Variants in SPG11 observed in about 807,000 individuals in gnomAD.
The protein encoded by SPG11 is spatacsin.
Under a neutral mutation model 274.0 loss-of-function variants are expected in SPG11, and 222 were observed. That is an observed-to-expected ratio of 0.81 (90% confidence interval 0.73 to 0.91). SPG11 has a LOEUF of 0.91. Among genes scored for constraint, SPG11 ranks in the 40% least tolerant of loss-of-function variants. The pLI, the probability that SPG11 is intolerant of heterozygous loss-of-function variation, is 0.00. For missense variants in SPG11, 3,114 were observed against 2,872.7 expected (o/e 1.08, Z -1.92); for synonymous variants, 1,144 against 1,039.7 (o/e 1.10, Z -1.93).
intron 30 of SPG11, among the ~76,000 whole-genome samples, chr15:44,579,521 C>A (rs573539858): frequency 1.2e-4 from 15 of 127,950 alleles, no homozygotes; most frequent in South Asian, 2.4e-4. Flanking sequence ...AGTGAGACTC[C>A]GTCTCAAAAA....
In SPG11 at chr15:44,636,925, C is replaced by CAAAAAAAAAAAAAAA. The variant is rs370928375; in HGVS notation, c.1603-3303_1603-3289dup. Among the ~76,000 whole-genome samples, 38 of 19,422 alleles carry CAAAAAAAAAAAAAAA rather than the reference C, an allele frequency of 2.0e-3. 1 individual carries two copies. The highest frequency in any genetic ancestry group is 6.1e-3 in the South Asian group (2 of 328). The allele number at this position is 19,422 out of a possible 152,430, so 12.7% of individuals were successfully genotyped here. On this transcript the variant is annotated intron_variant, in intron 7 of 39. Transcript: ENST00000261866. Reference sequence around the variant, plus strand: ...TGGGCAACAGAGCAAGACTCCATCTCAAAAAAAAAAAAAAAAAAAAAAAAA... The same window carrying CAAAAAAAAAAAAAAA: ...TGGGCAACAGAGCAAGACTCCATCTCAAAAAAAAAAAAAAAAAAAAAAAAAAAAAAAAAAAAAAAA...
At chr15:44,587,488 G>A (rs1004834618) in intron 28 of SPG11, among the ~76,000 whole-genome samples, 2 of 152,032 alleles carry the variant, frequency 1.3e-5, no homozygotes, top group Non-Finnish European at 2.9e-5. Flanking sequence ...TCAGGAGCTT[G>A]GGACTAGCTG....
intron 38 of SPG11, among the ~76,000 whole-genome samples, chr15:44,565,015 G>T (rs1330761949): frequency 6.6e-6 from 1 of 152,182 alleles, no homozygotes; most frequent in Non-Finnish European, 1.5e-5. Flanking sequence ...GGGACTACAG[G>T]TATATGCCAC....
intron 1 of SPG11, among the ~76,000 whole-genome samples, chr15:44,661,571 CTATAG>C (rs1273400541): frequency 6.6e-6 from 1 of 151,670 alleles, no homozygotes; most frequent in Non-Finnish European, 1.5e-5. Flanking sequence ...TTTTATACTA[CTATAG>C]TAGTTTTATA....
intron 7 of SPG11, among the ~76,000 whole-genome samples, chr15:44,638,102 T>C (rs959879740): frequency 2.4e-4 from 37 of 152,300 alleles, no homozygotes; most frequent in African/African-American, 8.7e-4. Context: ...ATAACATGAA[T>C]AGGCTATGAG....
At chr15:44,593,820 C>A (rs150458687) in intron 26 of SPG11, among the ~76,000 whole-genome samples, 1 of 148,474 alleles carries the variant, frequency 6.7e-6, no homozygotes, top group Non-Finnish European at 1.5e-5. Flanking sequence ...GTGGTGTGAT[C>A]TTGGCTCACT....
chr15:44,651,994 A>G, intron 5 of SPG11, 55 bp from the exon 6 acceptor site: 3 of 1,579,714 alleles, frequency 1.9e-6, no homozygotes, highest in Non-Finnish European at 2.6e-6. Flanking sequence ...GGCACTATGT[A>G]AAACACTAAA....
In SPG11 at chr15:44,655,019, C is replaced by T. The variant is rs141674865; in HGVS notation, c.869+2076G>A. On this transcript the variant is annotated intron_variant, in intron 4 of 39. Coordinates refer to ENST00000261866, the MANE Select transcript of SPG11 (RefSeq NM_025137.4). Reference sequence around the variant, plus strand: ...TGCTGTAATAATATCATGGCCACTTCCTGTTGCCATTGCAGTGAGCCCTAG... The same window carrying T: ...TGCTGTAATAATATCATGGCCACTTTCTGTTGCCATTGCAGTGAGCCCTAG... Among the ~76,000 whole-genome samples, 607 of 152,316 alleles carry T rather than the reference C, an allele frequency of 4.0e-3. 2 individuals are homozygous for T. The highest frequency in any genetic ancestry group is 6.3e-3 in the Non-Finnish European group (427 of 68,016).
chr15:44,562,861 T>G lies in SPG11; in HGVS notation c.*260A>C. 1 of 444,308 alleles carries G rather than the reference T, an allele frequency of 2.3e-6. No individual in the cohort carries two copies. Among genetic ancestry groups the G allele is most frequent in the Non-Finnish European group, 4.1e-6 (1 of 244,636 alleles). The allele number at this position is 444,308 out of a possible 1,614,324, so 27.5% of individuals were successfully genotyped here. ...GGATCATCTAAAGTAGAAGCTGTCC[T>G]GAGGAAGAGGAAGCTTTTGATCTTA... On this transcript the variant is annotated 3_prime_UTR_variant, in exon 40 of 40. Transcript: ENST00000261866.
intron 35 of SPG11, among the ~76,000 whole-genome samples, 198 bp downstream of exon 35, chr15:44,569,200 T>C (rs2140920450): frequency 6.6e-6 from 1 of 151,428 alleles, no homozygotes; most frequent in African/African-American, 2.4e-5. Context: ...AAAAAATATA[T>C]GGCATCAGCA....
chr15:44,643,098 A>G (rs2084501819), intron 7 of SPG11, among the ~76,000 whole-genome samples: 1 of 152,220 alleles, frequency 6.6e-6, no homozygotes, highest in Non-Finnish European at 1.5e-5. Flanking sequence ...GCAATGTTGT[A>G]TATACAATGC....
At chr15:44,600,877 G>A (rs1003004861) in intron 20 of SPG11, among the ~76,000 whole-genome samples, 1 of 152,138 alleles carries the variant, frequency 6.6e-6, no homozygotes, top group Non-Finnish European at 1.5e-5. Flanking sequence ...GCTTCAGCCG[G>A]GTACGGTGGC....
Position 44,628,670 on chromosome 15 carries a change from T to C in SPG11, c.2066A>G (p.Glu689Gly), listed in dbSNP as rs748241805. Residue 689 changes from glutamate (E) to glycine (G), a missense_variant and splice_region_variant, in exon 10 of 40, where the codon GAG (glutamate) becomes GGG (glycine). By Grantham distance (98) the Glu-to-Gly change is moderately conservative. Coordinates refer to ENST00000261866, the MANE Select transcript of SPG11 (RefSeq NM_025137.4). ...GAAGTGATGATTATTCGTACTTACC[T>C]CAAAGCTGAGTTTCTTCCATATATT... ...ESNIWKKLSF[E>G]EVIASAILNN... 19 of 1,612,948 alleles carry C rather than the reference T, an allele frequency of 1.2e-5. No homozygotes were observed. Among genetic ancestry groups the C allele is most frequent in the Admixed American group, 1.0e-4 (6 of 60,004 alleles).
intron 36 of SPG11, 70 bp downstream of exon 36, chr15:44,567,349 CAAAAA>C (rs397853802): frequency 5.4e-4 from 636 of 1,182,032 alleles, no homozygotes; most frequent in East Asian, 1.0e-3. Flanking sequence ...GACTCTGTCT[CAAAAA>C]AAAAAAAAAA....
At position 44,573,539 on chromosome 15, in the gene SPG11, T is replaced by G. The variant is rs763990388; in HGVS notation, c.6205+8A>C. The G allele has an allele frequency of 6.2e-7, 1 of 1,613,910 alleles. No homozygotes were observed. The highest frequency in any genetic ancestry group is 1.7e-5 in the Admixed American group (1 of 59,992). On this transcript the variant is annotated splice_region_variant and intron_variant, in intron 32 of 39. Coordinates refer to ENST00000261866, the MANE Select transcript of SPG11 (RefSeq NM_025137.4). ...AGAGAGGTTGGGAATCCCCGGGGGGTAGGGCACCTGTTCCCTGTGATGAAG... is the reference window on the plus strand; with the variant it reads ...AGAGAGGTTGGGAATCCCCGGGGGGGAGGGCACCTGTTCCCTGTGATGAAG...
intron 7 of SPG11, among the ~76,000 whole-genome samples, chr15:44,639,233 C>A (rs1812139101): frequency 6.6e-6 from 1 of 150,952 alleles, no homozygotes; most frequent in South Asian, 2.1e-4. Context: ...GGAACTTAAC[C>A]TTACAAAGGG....
chr15:44,632,892 T>A lies in SPG11; in HGVS notation c.1735+613A>T, dbSNP rs149231622. On this transcript the variant is annotated intron_variant, in intron 8 of 39. Coordinates refer to ENST00000261866, the MANE Select transcript of SPG11 (RefSeq NM_025137.4). ...TCAGATGGTTGCAAGGGCAGGCAAT[T>A]TTCCAAATAAATGTTTTTCTGTTGT... is the stretch of plus-strand genomic sequence containing the variant. Among the ~76,000 whole-genome samples the A allele has an allele frequency of 3.4e-3, 510 of 152,228 alleles. 2 individuals are homozygous for A. Among genetic ancestry groups the A allele is most frequent in the South Asian group, 5.2e-3 (25 of 4,830 alleles).
chr15:44,611,801 G>A (rs889660189), intron 17 of SPG11, among the ~76,000 whole-genome samples: 2 of 141,352 alleles, frequency 1.4e-5, no homozygotes, highest in Admixed American at 8.0e-5. Flanking sequence ...ATTTAAAATG[G>A]TCACTGTCTT....
chr15:44,593,754 C>CTT (rs112815798), intron 26 of SPG11, among the ~76,000 whole-genome samples: 19 of 135,556 alleles, frequency 1.4e-4, no homozygotes, highest in African/African-American at 4.1e-4. Context: ...TTCATAATAT[C>CTT]TTTTTTTTTT....
Sources: gnomAD v4.1 joint callset for allele counts (sites outside exome capture counted in the v4.1 genomes callset) on GRCh38, gnomAD v4.1.1 for gene constraint, MANE v1.5 for transcripts, NCBI Gene and HGNC (gene_info 2026-07-23, HGNC 2026-07-21) for gene names.